Variants in COG5 observed in about 807,000 individuals in gnomAD.
COG5 encodes the protein conserved oligomeric Golgi complex subunit 5.
A neutral mutation model predicts 110.4 loss-of-function variants in COG5; 86 were observed. That is an observed-to-expected ratio of 0.78 (90% CI 0.65 to 0.93). The LOEUF is 0.93. Ranked by LOEUF, COG5 falls within the 40% of genes least tolerant of loss-of-function variation. The pLI, the probability that COG5 is intolerant of heterozygous loss-of-function variation, is 0.00. For missense variants in COG5, 1,077 were observed against 987.0 expected (o/e 1.09, Z -1.22); for synonymous variants, 360 against 334.6 (o/e 1.08, Z -0.83).
intron 10 of COG5, among the ~76,000 whole-genome samples, chr7:107,351,199 G>T (rs1384703344): frequency 6.6e-6 from 1 of 152,136 alleles, no homozygotes; most frequent in Non-Finnish European, 1.5e-5. Flanking sequence ...ACAAAAACAA[G>T]CAATGGGGAA....
chr7:107,421,872 T>A (rs1793318570), intron 6 of COG5, among the ~76,000 whole-genome samples: 1 of 152,040 alleles, frequency 6.6e-6, no homozygotes, highest in South Asian at 2.1e-4. Flanking sequence ...TCACAAAGGA[T>A]CTCTGAGAAA....
chr7:107,318,802 C>A (rs1048239916), intron 11 of COG5, among the ~76,000 whole-genome samples: 1 of 152,218 alleles, frequency 6.6e-6, no homozygotes, highest in African/African-American at 2.4e-5. Flanking sequence ...TCCATAAACG[C>A]CCTATCTCCA....
At chr7:107,504,407 T>G (rs1798833405) in intron 6 of COG5, among the ~76,000 whole-genome samples, 1 of 152,212 alleles carries the variant, frequency 6.6e-6, no homozygotes, top group Non-Finnish European at 1.5e-5. Flanking sequence ...GTTAGTATTT[T>G]GTTGAAAATT....
At chr7:107,266,738 C>T (rs1454001933) in intron 14 of COG5, among the ~76,000 whole-genome samples, 1 of 152,066 alleles carries the variant, frequency 6.6e-6, no homozygotes, top group Non-Finnish European at 1.5e-5. Context: ...GAGGACTAAC[C>T]ATGTTAAAGC....
intron 11 of COG5, among the ~76,000 whole-genome samples, chr7:107,301,300 C>T (rs528150702): frequency 8.6e-4 from 131 of 152,030 alleles, no homozygotes; most frequent in African/African-American, 3.1e-3. Flanking sequence ...AAAAAAAATA[C>T]GGCTAAGAAA....
At chr7:107,561,313 T>A (rs1803756890) in intron 1 of COG5, among the ~76,000 whole-genome samples, 1 of 152,308 alleles carries the variant, frequency 6.6e-6, no homozygotes, top group African/African-American at 2.4e-5. Flanking sequence ...CCCGATATAG[T>A]GAATCAAAGT....
intron 11 of COG5, among the ~76,000 whole-genome samples, chr7:107,309,096 C>T (rs187292372): frequency 3.3e-5 from 5 of 151,038 alleles, no homozygotes; most frequent in East Asian, 1.9e-4. Flanking sequence ...TAGGGCTTTT[C>T]GGTGGTCAGA....
chr7:107,258,533 G>T, intron 14 of COG5, 150 bp from the exon 15 acceptor site: 3 of 666,024 alleles, frequency 4.5e-6, no homozygotes, highest in Non-Finnish European at 8.2e-6. Context: ...ATGTTAACTG[G>T]AAATATTCAG....
chr7:107,436,805 G>A (rs2129083644), intron 6 of COG5, among the ~76,000 whole-genome samples: 1 of 152,288 alleles, frequency 6.6e-6, no homozygotes, highest in South Asian at 2.1e-4. Flanking sequence ...GTTGGATCAT[G>A]AGTGCTCAGC....
intron 6 of COG5, among the ~76,000 whole-genome samples, chr7:107,454,496 G>A (rs1193138464): frequency 6.6e-6 from 1 of 152,072 alleles, no homozygotes; most frequent in East Asian, 1.9e-4. Context: ...ATTCTTTAAA[G>A]TATTTTTTAT....
intron 6 of COG5, among the ~76,000 whole-genome samples, chr7:107,457,573 T>C (rs1378362873): frequency 1.3e-5 from 2 of 151,728 alleles, no homozygotes; most frequent in African/African-American, 2.4e-5. Context: ...GGACTACAGG[T>C]GCCCGCCACC....
intron 7 of COG5, among the ~76,000 whole-genome samples, chr7:107,399,398 G>C (rs531846344): frequency 1.7e-3 from 252 of 146,804 alleles, no homozygotes; most frequent in African/African-American, 6.0e-3. Flanking sequence ...CTGGTGGGAG[G>C]TGATTGGATC....
intron 10 of COG5, among the ~76,000 whole-genome samples, chr7:107,346,872 G>A (rs1170984861): frequency 6.6e-6 from 1 of 151,804 alleles, no homozygotes; most frequent in African/African-American, 2.4e-5. Flanking sequence ...CCCACAACAT[G>A]CCCTGGTGTG....
chr7:107,481,009 C>T (rs900382109), intron 6 of COG5: 1 of 152,178 alleles, frequency 6.6e-6, no homozygotes. Context: ...GTATCCATGG[C>T]TTTCAAATAT....
intron 6 of COG5, among the ~76,000 whole-genome samples, chr7:107,476,193 A>AAAAAAAAAAAAAAAAAAAAAAAAAT (rs1796980090): frequency 9.8e-6 from 1 of 102,006 alleles, no homozygotes. Flanking sequence ...TTAAAAAAAA[A>AAAAAAAAAAAAAAAAAAAAAAAAAT]AAAAAAAAAA....
At chr7:107,563,410 C>T (rs140464401) in intron 1 of COG5, 1 of 320,110 alleles carries the variant, frequency 3.1e-6, no homozygotes, top group African/African-American at 2.2e-5. Flanking sequence ...ATGCGTCTGC[C>T]GTCTGTTCTA....
chr7:107,349,325 T>G (rs1175169204), intron 10 of COG5, among the ~76,000 whole-genome samples: 1 of 152,212 alleles, frequency 6.6e-6, no homozygotes, highest in Non-Finnish European at 1.5e-5. Context: ...TAGAACAATG[T>G]TAAACAGAAG....
At chr7:107,513,899 G>C (rs1341019076) in intron 6 of COG5, among the ~76,000 whole-genome samples, 1 of 152,026 alleles carries the variant, frequency 6.6e-6, no homozygotes, top group South Asian at 2.1e-4. Context: ...GGACTGTTGT[G>C]GGGTGGGGGA....
intron 14 of COG5, among the ~76,000 whole-genome samples, chr7:107,258,836 G>A (rs983612926): frequency 6.6e-6 from 1 of 152,036 alleles, no homozygotes; most frequent in Non-Finnish European, 1.5e-5. Flanking sequence ...AGAAGAGAGA[G>A]ACGGGAAGGA....
Sources: gnomAD v4.1 joint callset for allele counts (sites outside exome capture counted in the v4.1 genomes callset) on GRCh38, gnomAD v4.1.1 for gene constraint, MANE v1.5 for transcripts, NCBI Gene and HGNC (gene_info 2026-07-23, HGNC 2026-07-21) for gene names.